The following ADPRHL1 variants were observed in gnomAD, a reference collection of about 807,000 sequenced individuals.
The protein encoded by ADPRHL1 is inactive ADP-ribosyltransferase ARH2.
ADPRHL1 carries 43 observed loss-of-function variants against 44.1 expected under a neutral mutation model. The observed-to-expected ratio is 0.98, with a 90% CI of 0.76 to 1.26. ADPRHL1 has a LOEUF of 1.26. ADPRHL1 is among the 50% of genes most tolerant of loss of function. The probability of loss-of-function intolerance (pLI) is 0.00; values close to 1 mark genes in which losing one functional copy is unlikely to be tolerated. For missense variants in ADPRHL1, 2,022 were observed against 2,496.9 expected (o/e 0.81, Z 4.05); for synonymous variants, 878 against 1,017.4 (o/e 0.86, Z 2.61).
At chr13:113,449,141 C>T (rs919984734) in intron 1 of ADPRHL1, 2 of 1,010,882 alleles carry the variant, frequency 2.0e-6, no homozygotes, top group Non-Finnish European at 2.4e-6. Flanking sequence ...TGCTCTCGTG[C>T]CCTGTTCAGA....
At chr13:113,432,356 C>T (rs1055164435) in intron 3 of ADPRHL1, among the ~76,000 whole-genome samples, 1 of 152,174 alleles carries the variant, frequency 6.6e-6, no homozygotes, top group Admixed American at 6.5e-5. Flanking sequence ...CTCAAGTGAT[C>T]CTCCTGCCTC....
At chr13:113,425,802 T>A (rs533691810) in intron 4 of ADPRHL1, among the ~76,000 whole-genome samples, 2 of 151,974 alleles carry the variant, frequency 1.3e-5, no homozygotes, top group Admixed American at 1.3e-4. Flanking sequence ...TGCCTCAGCC[T>A]CCTGAGTAGC....
At chr13:113,452,112 T>G (rs2044182578) in intron 1 of ADPRHL1, among the ~76,000 whole-genome samples, 1 of 152,208 alleles carries the variant, frequency 6.6e-6, no homozygotes, top group Admixed American at 6.5e-5. Context: ...GCCGGAGCTG[T>G]GTCCCACAGG....
At chr13:113,423,607 G>C (rs1246950228) in intron 6 of ADPRHL1, among the ~76,000 whole-genome samples, 2 of 152,256 alleles carry the variant, frequency 1.3e-5, no homozygotes, top group Non-Finnish European at 2.9e-5. Context: ...CATAACAGCT[G>C]CTCCCACAAG....
chr13:113,444,300 C>T, intron 2 of ADPRHL1, 125 bp downstream of exon 2: 1 of 1,337,794 alleles, frequency 7.5e-7, no homozygotes, highest in Non-Finnish European at 1.0e-6. Flanking sequence ...GACAAAGGGA[C>T]TCTAGGCAGA....
intron 7 of ADPRHL1, among the ~76,000 whole-genome samples, chr13:113,412,775 CCCCGCAGAA>C (rs1243562598): frequency 1.9e-4 from 20 of 104,534 alleles, no homozygotes; most frequent in African/African-American, 6.2e-4. Flanking sequence ...GCCAACAGCG[CCCCGCAGAA>C]CTCGGTTCAC....
chr13:113,419,296 T>G (rs2139612008), intron 7 of ADPRHL1, among the ~76,000 whole-genome samples: 1 of 142,928 alleles, frequency 7.0e-6, no homozygotes, highest in Admixed American at 7.0e-5. Context: ...TTTTTTTTTT[T>G]TGTAGAGATG....
Position 113,407,035 on chromosome 13 carries a change from C to T in ADPRHL1, c.2247G>A (p.Glu749=). The T allele has an allele frequency of 8.1e-7, 1 of 1,232,282 alleles. No individual in the cohort carries two copies. Among genetic ancestry groups the T allele is most frequent in the Non-Finnish European group, 1.0e-6 (1 of 988,070 alleles). The allele number at this position is 1,232,282 out of a possible 1,614,324, so 76.3% of individuals were successfully genotyped here. The change falls in exon 8 of 8, where the codon GAG becomes GAA. Residue 749 remains glutamate (E), a synonymous_variant. Coordinates refer to ENST00000612156, the MANE Select transcript of ADPRHL1 (RefSeq NM_001394807.1). ...CCTCCTGGACGCCTCCTGCGGTGCT[C>T]TCTGCGGTGGGGTCTGCAGTCCCAT... is the stretch of plus-strand genomic sequence containing the variant. ...GGDGTADPTA[E]STAGGVQEVR...
intron 7 of ADPRHL1, among the ~76,000 whole-genome samples, chr13:113,412,599 C>T (rs914256816): frequency 2.6e-5 from 4 of 152,256 alleles, no homozygotes; most frequent in Admixed American, 2.6e-4. Context: ...CTGGTCTCTA[C>T]TTTCCCGAGT....
chr13:113,418,587 T>C (rs1240554855), intron 7 of ADPRHL1, among the ~76,000 whole-genome samples: 2 of 152,206 alleles, frequency 1.3e-5, no homozygotes, highest in Admixed American at 1.3e-4. Context: ...GTTACTGACA[T>C]GCTCATATTC....
At chr13:113,413,636 C>A (rs563319370) in intron 7 of ADPRHL1, among the ~76,000 whole-genome samples, 1 of 152,346 alleles carries the variant, frequency 6.6e-6, no homozygotes, top group African/African-American at 2.4e-5. Context: ...TGCGCTGGAG[C>A]CAGTGCTGCC....
chr13:113,418,514 T>G (rs1255203027), intron 7 of ADPRHL1, among the ~76,000 whole-genome samples: 1 of 152,210 alleles, frequency 6.6e-6, no homozygotes, highest in African/African-American at 2.4e-5. Flanking sequence ...ATGCAAAATC[T>G]CTAATCAAAG....
At chr13:113,411,483 A>G (rs1274034272) in intron 7 of ADPRHL1, among the ~76,000 whole-genome samples, 2 of 152,118 alleles carry the variant, frequency 1.3e-5, no homozygotes, top group South Asian at 4.1e-4. Context: ...GTCTGTAACC[A>G]CTTATGAGGT....
intron 3 of ADPRHL1, among the ~76,000 whole-genome samples, chr13:113,430,134 G>A (rs2043996497): frequency 6.6e-6 from 1 of 152,166 alleles, no homozygotes; most frequent in Non-Finnish European, 1.5e-5. Context: ...ACATGGCCAC[G>A]TCTGGCCCCA....
chr13:113,406,282 C>T lies in ADPRHL1; in HGVS notation c.3000G>A (p.Lys1000=). Residue 1000 remains lysine (K), a synonymous_variant, in exon 8 of 8, where the codon AAG becomes AAA. Transcript: ENST00000612156. Reference sequence around the variant, plus strand: ...CTGCAGGATCATTTGTTGCGGAGCCCTTCTTCTGCATTGATATTTCATTAG... The same window carrying T: ...CTGCAGGATCATTTGTTGCGGAGCCTTTCTTCTGCATTGATATTTCATTAG... ...PESNEISMQK[K]GSATNDPAAS... 1 of 1,232,096 alleles carries T rather than the reference C, an allele frequency of 8.1e-7. No homozygotes were observed. The highest frequency in any genetic ancestry group is 1.0e-6 in the Non-Finnish European group (1 of 987,974). 76.3% of individuals were successfully genotyped at this position (1,232,096 alleles called of 1,614,324 possible). A position where few individuals can be genotyped will look rare whatever the true frequency, so the allele number is the denominator to read the frequency against.
intron 2 of ADPRHL1, among the ~76,000 whole-genome samples, chr13:113,439,599 C>G (rs368179611): frequency 2.6e-5 from 4 of 151,916 alleles, no homozygotes; most frequent in African/African-American, 9.7e-5. Flanking sequence ...AGGTGCCCAC[C>G]ACCATGTCTG....
Position 113,430,598 on chromosome 13 carries a change from G to A in ADPRHL1, c.506-1506C>T, listed in dbSNP as rs140868908. 2.4e-3 allele frequency among the ~76,000 whole-genome samples: 368 copies of A among 152,268 alleles called. 2 individuals carry two copies. The highest frequency in any genetic ancestry group is 3.6e-3 in the Non-Finnish European group (245 of 68,024). On this transcript the variant is annotated intron_variant, in intron 3 of 7. Coordinates refer to ENST00000612156, the MANE Select transcript of ADPRHL1 (RefSeq NM_001394807.1). Reference sequence around the variant, plus strand: ...CAGCAGTGGTTGTCGTACTAGTGACGGTATCATGTGGAGGAACTGGTGATA... The same window carrying A: ...CAGCAGTGGTTGTCGTACTAGTGACAGTATCATGTGGAGGAACTGGTGATA...
At chr13:113,422,725 G>A (rs747481801) in intron 7 of ADPRHL1, 101 bp downstream of exon 7, 14 of 1,488,274 alleles carry the variant, frequency 9.4e-6, no homozygotes, top group Non-Finnish European at 1.3e-5. Context: ...GACCGCAGTG[G>A]AGCCTCACAG....
chr13:113,407,094 C>T lies in ADPRHL1; in HGVS notation c.2188G>A (p.Ala730Thr). Reference sequence around the variant, plus strand: ...GCTGATCCGGTGCCCCAAGGGCTGGCCGGTCCCAGTGGGGATGATGCAGGC... The same window carrying T: ...GCTGATCCGGTGCCCCAAGGGCTGGTCGGTCCCAGTGGGGATGATGCAGGC... ...LVPASSPLGP[A>T]SPWGTGSAGG... The change falls in exon 8 of 8, where the codon GCC becomes ACC. Residue 730 changes from alanine (A) to threonine (T), a missense_variant. By Grantham distance (58) the Ala-to-Thr change is moderately conservative. Around this residue, in one of 8 missense-constraint regions of ADPRHL1, gnomAD observed 1,221 missense variants for 1,517.8 expected, o/e 0.80. Transcript: ENST00000612156. The T allele has an allele frequency of 8.1e-7, 1 of 1,232,330 alleles. No individual in the cohort carries two copies. Among genetic ancestry groups the T allele is most frequent in the Non-Finnish European group, 1.0e-6 (1 of 988,134 alleles). 76.3% of individuals were successfully genotyped at this position (1,232,330 alleles called of 1,614,324 possible). A position where few individuals can be genotyped will look rare whatever the true frequency, so the allele number is the denominator to read the frequency against.
Sources: gnomAD v4.1 joint callset for allele counts (sites outside exome capture counted in the v4.1 genomes callset) on GRCh38, gnomAD v4.1.1 for gene constraint, gnomAD v4.1.1 regional missense constraint, MANE v1.5 for transcripts, NCBI Gene and HGNC (gene_info 2026-07-23, HGNC 2026-07-21) for gene names.